Variants in TET1 observed in about 807,000 individuals in gnomAD.
The protein encoded by TET1 is tet methylcytosine dioxygenase 1.
In TET1, 13 loss-of-function variants were observed where a neutral mutation model predicts 148.7. That is an observed-to-expected ratio of 0.09 (90% CI 0.06 to 0.14). TET1 has a LOEUF of 0.14. Ranked by LOEUF, TET1 falls within the 10% of genes least tolerant of loss-of-function variation. TET1 has a pLI of 1.00. For missense variants in TET1, 2,182 were observed against 2,553.8 expected, an observed-to-expected ratio of 0.85 and a Z score of 3.14; for synonymous variants, 907 against 937.2, an observed-to-expected ratio of 0.97 and a Z score of 0.59.
intron 3 of TET1, among the ~76,000 whole-genome samples, chr10:68,603,862 T>A (rs1007869858): frequency 1.3e-5 from 2 of 152,192 alleles, no homozygotes; most frequent in African/African-American, 4.8e-5. Context: ...GCGATCTAAA[T>A]CCTGATTAGA....
chr10:68,609,701 G>C (rs2054179073), intron 3 of TET1, among the ~76,000 whole-genome samples: 1 of 152,038 alleles, frequency 6.6e-6, no homozygotes. Flanking sequence ...TAGGAAATCA[G>C]ATATTAAATA....
intron 2 of TET1, among the ~76,000 whole-genome samples, chr10:68,595,612 C>CTTTTTTTTTTTTTTTTTTTTTTT (rs71470530): frequency 2.1e-4 from 16 of 76,510 alleles, no homozygotes; most frequent in Non-Finnish European, 3.5e-4. Context: ...CACACAGCTT[C>CTTTTTTTTTTTTTTTTTTTTTTT]TTTTTTTTTT....
intron 3 of TET1, among the ~76,000 whole-genome samples, chr10:68,634,423 G>T (rs544390550): frequency 3.9e-5 from 6 of 152,204 alleles, no homozygotes; most frequent in Non-Finnish European, 8.8e-5. Flanking sequence ...ACTACCAAAA[G>T]AAGTAACTTA....
intron 5 of TET1, 132 bp downstream of exon 5, chr10:68,652,068 C>A: frequency 1.2e-6 from 1 of 829,352 alleles, no homozygotes; most frequent in Non-Finnish European, 1.9e-6. Flanking sequence ...TCTTAGGGCC[C>A]AACAAAAGAG....
At chr10:68,629,923 T>C (rs1351018481) in intron 3 of TET1, among the ~76,000 whole-genome samples, 1 of 152,220 alleles carries the variant, frequency 6.6e-6, no homozygotes, top group Non-Finnish European at 1.5e-5. Context: ...TGCTACATAC[T>C]TAAAGTCACC....
intron 3 of TET1, among the ~76,000 whole-genome samples, chr10:68,608,438 T>C (rs1804920729): frequency 6.6e-6 from 1 of 151,694 alleles, no homozygotes; most frequent in South Asian, 2.1e-4. Flanking sequence ...GGTTTCACCA[T>C]CTTAGCCAGG....
chr10:68,595,892 G>A (rs537682347), intron 2 of TET1, among the ~76,000 whole-genome samples: 2 of 116,358 alleles, frequency 1.7e-5, no homozygotes, highest in African/African-American at 6.4e-5. Context: ...TGGGATTATA[G>A]GTGTGAGCCA....
At chr10:68,624,022 T>A (rs2054411646) in intron 3 of TET1, among the ~76,000 whole-genome samples, 1 of 151,534 alleles carries the variant, frequency 6.6e-6, no homozygotes, top group Non-Finnish European at 1.5e-5. Flanking sequence ...GTTTCCTGCC[T>A]CCCCCATTTG....
chr10:68,569,166 CTTTTTTTTTTT>C lies in TET1; in HGVS notation c.-122-3037_-122-3027del, dbSNP rs34385747. Among the ~76,000 whole-genome samples the C allele has an allele frequency of 5.4e-4, 38 of 69,780 alleles. 1 individual carries two copies. The highest frequency in any genetic ancestry group is 0.013 in the Middle Eastern group (1 of 80). The allele number at this position is 69,780 out of a possible 152,430, so 45.8% of individuals were successfully genotyped here. A position where few individuals can be genotyped will look rare whatever the true frequency, so the allele number is the denominator to read the frequency against. On this transcript the variant is annotated intron_variant, in intron 1 of 11. Transcript: ENST00000373644. ...GCTGGATCTCCAGGCAGGAGAGTTT[CTTTTTTTTTTT>C]TTTTTTTTTTTTTGAGATGGAGTCT... is the stretch of plus-strand genomic sequence containing the variant.
chr10:68,645,935 C>A lies in TET1; in HGVS notation c.3206C>A (p.Thr1069Asn), dbSNP rs773683265. The A allele has an allele frequency of 6.2e-7, 1 of 1,613,864 alleles. No homozygotes were observed. Among genetic ancestry groups the A allele is most frequent in the South Asian group, 1.1e-5 (1 of 91,066 alleles). ...DSDDLSCQDATHTQIEEDVAT... is the reference protein window; with the variant it reads ...DSDDLSCQDANHTQIEEDVAT... The stretch of plus-strand genomic sequence containing the variant: ...GATGATCTATCATGTCAGGATGCAA[C>A]CCATACCCAAATTGAGGAAGATGTT... Residue 1069 changes from threonine to asparagine, a missense_variant, in exon 4 of 12, where the codon ACC becomes AAC. By Grantham distance (65) the Thr-to-Asn change is moderately conservative. Around this residue, in one of 11 missense-constraint regions of TET1, gnomAD observed 582 missense variants for 599.5 expected, o/e 0.97. Transcript: ENST00000373644.
intron 3 of TET1, among the ~76,000 whole-genome samples, chr10:68,605,781 C>G (rs1249915175): frequency 6.6e-6 from 1 of 152,174 alleles, no homozygotes; most frequent in Non-Finnish European, 1.5e-5. Flanking sequence ...TCCCAAAATG[C>G]TGGGATTACA....
Position 68,597,825 on chromosome 10 carries a change from TTAA to T in TET1, c.1915-3152_1915-3150del, listed in dbSNP as rs1589062956. 1.3e-5 allele frequency among the ~76,000 whole-genome samples: 2 copies of T among 152,206 alleles called. 1 individual carries two copies. The highest frequency in any genetic ancestry group is 1.3e-4 in the Admixed American group (2 of 15,276). ...GATGAACCTTGTAAATATTATGCTA[TTAA>T]TAAGTGAAGCAAAGAGAAACGAAAA... On this transcript the variant is annotated intron_variant, in intron 2 of 11. Transcript: ENST00000373644.
Position 68,692,027 on chromosome 10 carries a change from A to G in TET1, c.*213A>G, listed in dbSNP as rs2055601885. Reference sequence around the variant, plus strand: ...AGGTGCACATTTTAAGCAAAAATAAAAGTTTTATAGTTTTAAATACATAAA... The same window carrying G: ...AGGTGCACATTTTAAGCAAAAATAAGAGTTTTATAGTTTTAAATACATAAA... On this transcript the variant is annotated 3_prime_UTR_variant, in exon 12 of 12. Transcript: ENST00000373644. The G allele has an allele frequency of 1.8e-6, 1 of 545,876 alleles. No homozygotes were observed. The highest frequency in any genetic ancestry group is 3.7e-5 in the South Asian group (1 of 27,388). 33.8% of individuals were successfully genotyped at this position (545,876 alleles called of 1,614,324 possible).
chr10:68,588,259 A>T (rs2053881829), intron 2 of TET1, among the ~76,000 whole-genome samples: 1 of 152,246 alleles, frequency 6.6e-6, no homozygotes, highest in Non-Finnish European at 1.5e-5. Context: ...CAGGGATTAC[A>T]GGTGTGCATC....
In TET1 at chr10:68,682,989, A is replaced by C. The variant is rs1444885779; in HGVS notation, c.5052+16A>C. On this transcript the variant is annotated intron_variant, in intron 10 of 11. Coordinates refer to ENST00000373644, the MANE Select transcript of TET1 (RefSeq NM_030625.3). ...AAGCACTGTGGTATGTACCTGTGTG[A>C]ATTTGTATTCTAAAAGCTCCATCAC... The C allele has an allele frequency of 6.2e-7, 1 of 1,611,482 alleles. No individual in the cohort carries two copies. Among genetic ancestry groups the C allele is most frequent in the Admixed American group, 1.7e-5 (1 of 59,062 alleles).
intron 3 of TET1, among the ~76,000 whole-genome samples, chr10:68,604,989 T>C (rs1390540825): frequency 6.6e-6 from 1 of 152,212 alleles, no homozygotes; most frequent in African/African-American, 2.4e-5. Context: ...TATTTAATTA[T>C]AAAATATCAT....
In TET1 at chr10:68,572,720, G is replaced by A. The variant is rs142008363; in HGVS notation, c.382G>A (p.Val128Ile). 9 of 1,614,034 alleles carry A rather than the reference G, an allele frequency of 5.6e-6. No homozygotes were observed. The highest frequency in any genetic ancestry group is 4.4e-5 in the South Asian group (4 of 91,074). The change falls in exon 2 of 12, where the codon GTT becomes ATT. Residue 128 changes from valine to isoleucine, a missense_variant. Around this residue, in one of 11 missense-constraint regions of TET1, gnomAD observed 665 missense variants for 672.4 expected, o/e 0.99. Coordinates refer to ENST00000373644, the MANE Select transcript of TET1 (RefSeq NM_030625.3). ...PPLVVAKSKK[V>I]PLSKGLEKQH... ...ACTGGTCGTAGCCAAATCCAAAAAG[G>A]TTCCACTTTCTAAGGGTTTAGAAAA...
chr10:68,641,500 A>ATTTATTTT (rs1047655221), intron 3 of TET1, among the ~76,000 whole-genome samples: 1 of 130,968 alleles, frequency 7.6e-6, no homozygotes, highest in African/African-American at 2.9e-5. Flanking sequence ...TTATTTATTT[A>ATTTATTTT]ATTTTATTTT....
At chr10:68,679,116 A>G (rs536515355) in intron 8 of TET1, among the ~76,000 whole-genome samples, 2 of 152,264 alleles carry the variant, frequency 1.3e-5, no homozygotes, top group African/African-American at 4.8e-5. Context: ...GGTGGAGGAT[A>G]CAGTGAGCCG....
Sources: allele counts gnomAD v4.1 joint callset (sites outside exome capture counted in the v4.1 genomes callset), GRCh38; gene constraint gnomAD v4.1.1; regional missense constraint gnomAD v4.1.1; transcripts MANE v1.5; gene names NCBI Gene and HGNC (gene_info 2026-07-23, HGNC 2026-07-21).